The following EEFSEC variants were observed in gnomAD, a reference collection of about 807,000 sequenced individuals.
The protein encoded by EEFSEC is selenocysteine-specific elongation factor.
EEFSEC carries 43 observed loss-of-function variants against 42.1 expected under a neutral mutation model. The ratio of observed to expected loss-of-function variants is 1.02; its 90% CI spans 0.80 to 1.32. The LOEUF is 1.32. EEFSEC is among the 40% of genes most tolerant of loss of function. The probability of loss-of-function intolerance (pLI) is 0.00; values close to 1 mark genes in which losing one functional copy is unlikely to be tolerated. For missense variants in EEFSEC, 745 were observed against 803.6 expected (o/e 0.93, Z 0.88); for synonymous variants, 354 against 339.1 (o/e 1.04, Z -0.48).
chr3:128,300,640 A>G (rs1468522733), intron 4 of EEFSEC, among the ~76,000 whole-genome samples: 1 of 151,822 alleles, frequency 6.6e-6, no homozygotes, highest in Non-Finnish European at 1.5e-5. Context: ...TTCTGTTCCC[A>G]TGGCTTCTAC....
intron 4 of EEFSEC, among the ~76,000 whole-genome samples, chr3:128,266,561 G>A (rs566630106): frequency 6.6e-6 from 1 of 151,710 alleles, no homozygotes; most frequent in Non-Finnish European, 1.5e-5. Flanking sequence ...GACCAGAAAG[G>A]ACAAAACAAA....
In EEFSEC at chr3:128,246,919, G is replaced by A. The variant is rs1461700822; in HGVS notation, c.400G>A (p.Gly134Ser). ...QTQSAECLVI[G>S]QIACQKLVVV... ...CCAGTCAGCGGAATGCCTTGTGATC[G>A]GCCAGATTGCCTGCCAGAAGCTGGT... The change falls in exon 2 of 7, where the codon GGC becomes AGC. Residue 134 changes from glycine (G) to serine (S), a missense_variant. Physicochemically the swap from Gly to Ser is moderately conservative, Grantham distance 56. Coordinates refer to ENST00000254730, the MANE Select transcript of EEFSEC (RefSeq NM_021937.5). The A allele has an allele frequency of 5.6e-6, 9 of 1,614,150 alleles. No individual in the cohort carries two copies. The highest frequency in any genetic ancestry group is 1.6e-4 in the Middle Eastern group (1 of 6,062).
intron 1 of EEFSEC, among the ~76,000 whole-genome samples, chr3:128,177,371 T>A (rs976101919): frequency 6.6e-6 from 1 of 152,020 alleles, no homozygotes; most frequent in African/African-American, 2.4e-5. Context: ...GGTGTCCTCC[T>A]TTCAATTGGA....
chr3:128,225,687 C>T (rs2065901017), intron 1 of EEFSEC, among the ~76,000 whole-genome samples: 1 of 152,236 alleles, frequency 6.6e-6, no homozygotes, highest in Admixed American at 6.5e-5. Flanking sequence ...ATCTCTACTG[C>T]ACTGTCCCCT....
chr3:128,239,849 T>C (rs2999076), intron 1 of EEFSEC, among the ~76,000 whole-genome samples: 128,228 of 152,258 alleles, frequency 0.84, 54,416 homozygotes, highest in East Asian at 0.99. Flanking sequence ...CCAGGGTCCC[T>C]GGAGCCTTCT....
chr3:128,266,522 G>A (rs4857839), intron 4 of EEFSEC, among the ~76,000 whole-genome samples: 4,139 of 151,988 alleles, frequency 0.027, 209 homozygotes, highest in African/African-American at 0.093. Context: ...CCTTCTGCAG[G>A]GGCCAGGGGT....
intron 6 of EEFSEC, among the ~76,000 whole-genome samples, chr3:128,389,779 ATGTGG>A (rs745800171): frequency 6.6e-6 from 1 of 152,242 alleles, no homozygotes; most frequent in Non-Finnish European, 1.5e-5. Flanking sequence ...CAGCAGAGTG[ATGTGG>A]TGTGGACTGA....
chr3:128,264,809 G>T (rs777060758), intron 4 of EEFSEC, 28 bp downstream of exon 4: 23 of 1,601,110 alleles, frequency 1.4e-5, no homozygotes, highest in Non-Finnish European at 1.9e-5. Context: ...TTCCCTTCTG[G>T]CCTCCTCGCT....
At chr3:128,197,618 G>C (rs954207331) in intron 1 of EEFSEC, among the ~76,000 whole-genome samples, 5 of 151,562 alleles carry the variant, frequency 3.3e-5, no homozygotes, top group African/African-American at 1.2e-4. Flanking sequence ...TTCTCAGAAG[G>C]CTGTACCAAT....
At chr3:128,313,083 G>C (rs1481528418) in intron 4 of EEFSEC, among the ~76,000 whole-genome samples, 1 of 152,188 alleles carries the variant, frequency 6.6e-6, no homozygotes, top group Non-Finnish European at 1.5e-5. Flanking sequence ...ATTGTGATGA[G>C]GATGACCATG....
At chr3:128,175,975 C>T (rs1026930823) in intron 1 of EEFSEC, among the ~76,000 whole-genome samples, 1 of 152,208 alleles carries the variant, frequency 6.6e-6, no homozygotes, top group Non-Finnish European at 1.5e-5. Context: ...TCAGTTTTCT[C>T]ATCTTCAAAA....
intron 1 of EEFSEC, among the ~76,000 whole-genome samples, chr3:128,189,034 G>A (rs1264546490): frequency 6.7e-6 from 1 of 148,616 alleles, no homozygotes; most frequent in Non-Finnish European, 1.5e-5. Context: ...ACCTTTACAT[G>A]GGGGGGGCTC....
At chr3:128,286,148 A>C (rs1359144389) in intron 4 of EEFSEC, among the ~76,000 whole-genome samples, 1 of 152,210 alleles carries the variant, frequency 6.6e-6, no homozygotes, top group Admixed American at 6.5e-5. Context: ...GTACAGTCTC[A>C]GTTCATGAAT....
At chr3:128,295,656 G>T (rs1000229153) in intron 4 of EEFSEC, among the ~76,000 whole-genome samples, 3 of 149,568 alleles carry the variant, frequency 2.0e-5, no homozygotes, top group African/African-American at 7.4e-5. Flanking sequence ...GATGGAGAAG[G>T]ACCCAAGTTT....
At chr3:128,174,423 A>G (rs1224058062) in intron 1 of EEFSEC, among the ~76,000 whole-genome samples, 1 of 152,070 alleles carries the variant, frequency 6.6e-6, no homozygotes, top group Non-Finnish European at 1.5e-5. Flanking sequence ...AAGTTTTTTT[A>G]TGTTTGCAAA....
intron 4 of EEFSEC, among the ~76,000 whole-genome samples, chr3:128,295,208 T>C (rs2066690056): frequency 6.6e-6 from 1 of 152,242 alleles, no homozygotes; most frequent in Non-Finnish European, 1.5e-5. Context: ...AGCAGTGCGA[T>C]GTCCCCTCAG....
intron 6 of EEFSEC, among the ~76,000 whole-genome samples, chr3:128,377,081 A>G (rs1351678515): frequency 2.0e-5 from 3 of 152,216 alleles, no homozygotes; most frequent in Admixed American, 6.5e-5. Context: ...AGTAATAGTC[A>G]TTCAAGGAGA....
At chr3:128,188,858 C>G (rs1455104920) in intron 1 of EEFSEC, among the ~76,000 whole-genome samples, 1 of 152,188 alleles carries the variant, frequency 6.6e-6, no homozygotes, top group Non-Finnish European at 1.5e-5. Flanking sequence ...GCCTTGCCCA[C>G]CTGTTGTCCT....
intron 1 of EEFSEC, among the ~76,000 whole-genome samples, chr3:128,218,133 C>T (rs548856136): frequency 1.5e-4 from 23 of 152,072 alleles, no homozygotes; most frequent in Non-Finnish European, 3.2e-4. Context: ...TGAGAGTACA[C>T]AGAGGTGCTC....
Sources: allele counts gnomAD v4.1 joint callset (sites outside exome capture counted in the v4.1 genomes callset), GRCh38; gene constraint gnomAD v4.1.1; transcripts MANE v1.5; gene names NCBI Gene and HGNC (gene_info 2026-07-23, HGNC 2026-07-21).